The following EIPR1 variants were observed in gnomAD, a reference collection of about 807,000 sequenced individuals.
The protein encoded by EIPR1 is EARP and GARP complex-interacting protein 1.
Under a neutral mutation model 48.1 loss-of-function variants are expected in EIPR1, and 25 were observed. The observed-to-expected ratio is 0.52, with a 90% CI of 0.38 to 0.73. The LOEUF (loss-of-function observed/expected upper bound fraction) is 0.73. Among genes scored for constraint, EIPR1 ranks in the 30% least tolerant of loss-of-function variants. EIPR1 has a pLI of 0.00. For missense variants in EIPR1, 415 were observed against 506.2 expected, an observed-to-expected ratio of 0.82 and a Z score of 1.73; for synonymous variants, 204 against 201.9, an observed-to-expected ratio of 1.01 and a Z score of -0.09.
rs1308249468 is a variant in EIPR1 at position 3,189,317 on chromosome 2, T to C, written c.*17A>G. 1.3e-6 allele frequency: 2 copies of C among 1,558,740 alleles called. No individual in the cohort carries two copies. Among genetic ancestry groups the C allele is most frequent in the Non-Finnish European group, 1.7e-6 (2 of 1,142,916 alleles). ...GGAAAACCACTCAATGGGACCTGGA[T>C]AACCCAGGCCCGGGAGTCATAGCAG... is the stretch of plus-strand genomic sequence containing the variant. On this transcript the variant is annotated 3_prime_UTR_variant, in exon 9 of 9. Coordinates refer to ENST00000382125, the MANE Select transcript of EIPR1 (RefSeq NM_003310.5). This position sits in a 1 kb window ranked among gnomAD's most constrained non-coding sequence, Gnocchi z 4.6.
intron 3 of EIPR1, among the ~76,000 whole-genome samples, chr2:3,323,105 T>C (rs1669586006): frequency 8.4e-6 from 1 of 119,320 alleles, no homozygotes; most frequent in South Asian, 3.0e-4. Context: ...TCTCTGATTT[T>C]TTCTTTAAAA....
At chr2:3,274,248 C>T (rs546552076) in intron 3 of EIPR1, 4 of 1,506,528 alleles carry the variant, frequency 2.7e-6, no homozygotes, top group East Asian at 5.0e-5. Flanking sequence ...AGGAGCACAA[C>T]TATCTCCAAG....
chr2:3,310,879 T>G (rs1166937473), intron 3 of EIPR1, among the ~76,000 whole-genome samples: 1 of 152,118 alleles, frequency 6.6e-6, no homozygotes, highest in African/African-American at 2.4e-5. Flanking sequence ...AATCAATTTT[T>G]TTTTCAAATA....
intron 2 of EIPR1, among the ~76,000 whole-genome samples, chr2:3,347,131 C>T (rs755280376): frequency 1.5e-4 from 23 of 152,196 alleles, no homozygotes; most frequent in African/African-American, 4.3e-4. Context: ...TTCCTGAGGC[C>T]GTCGCAGAAG....
chr2:3,323,795 C>G (rs964174399), intron 3 of EIPR1, among the ~76,000 whole-genome samples: 1 of 151,782 alleles, frequency 6.6e-6, no homozygotes, highest in Non-Finnish European at 1.5e-5. Context: ...GGATTTCCAA[C>G]AGTGTCTGCT....
intron 2 of EIPR1, among the ~76,000 whole-genome samples, chr2:3,339,598 C>A (rs1375370873): frequency 6.6e-6 from 1 of 152,176 alleles, no homozygotes; most frequent in Non-Finnish European, 1.5e-5. Context: ...TTAGCACCAT[C>A]CCCACCTGGT....
intron 3 of EIPR1, among the ~76,000 whole-genome samples, chr2:3,330,437 A>AT (rs1455549989): frequency 2.0e-5 from 3 of 152,318 alleles, no homozygotes; most frequent in African/African-American, 7.2e-5. Flanking sequence ...CCCTCTGTTG[A>AT]TTGAGAGGCC....
rs192064327 is a variant in EIPR1, at chr2:3,370,054, G to A, written c.42+7594C>T. ...TCTGAGACAAAACTTCCAGAGGAAC[G>A]ATCATACAGCAACATTCGCGGATCA... On this transcript the variant is annotated intron_variant, in intron 1 of 8. Transcript: ENST00000382125. 1.2e-3 allele frequency among the ~76,000 whole-genome samples: 185 copies of A among 152,256 alleles called. 4 individuals are homozygous for A. The East Asian group carries it at 0.028, about 23-fold the overall frequency.
chr2:3,194,976 C>T lies in EIPR1; in HGVS notation c.654-810G>A, dbSNP rs189034334. ...CAGTGCGTGCGTTCTCACACTCACG[C>T]GTGCATCTGTGTGCACGCCCACACA... On this transcript the variant is annotated intron_variant, in intron 6 of 8. Transcript: ENST00000382125. Among the ~76,000 whole-genome samples, 58 of 152,354 alleles carry T rather than the reference C, an allele frequency of 3.8e-4. No homozygotes were observed. The South Asian group carries it at 5.2e-3, about 14-fold the overall frequency.
intron 3 of EIPR1, among the ~76,000 whole-genome samples, chr2:3,307,205 G>A (rs767184300): frequency 2.4e-4 from 36 of 152,118 alleles, no homozygotes; most frequent in South Asian, 1.0e-3. Flanking sequence ...CAAATGATCC[G>A]CCTACCTCAG....
intron 3 of EIPR1, chr2:3,282,571 C>CTACA (rs1668045597): frequency 6.6e-6 from 1 of 152,252 alleles, no homozygotes; most frequent in Non-Finnish European, 1.5e-5. Flanking sequence ...TACAGACGGC[C>CTACA]GCACGGGCTG....
At chr2:3,284,799 T>C (rs1486145619) in intron 3 of EIPR1, among the ~76,000 whole-genome samples, 1 of 151,774 alleles carries the variant, frequency 6.6e-6, no homozygotes, top group Non-Finnish European at 1.5e-5. Context: ...GAGCACACAG[T>C]TGGGAAAGGG....
chr2:3,348,542 G>A (rs534962813), intron 2 of EIPR1, among the ~76,000 whole-genome samples: 12 of 152,272 alleles, frequency 7.9e-5, no homozygotes, highest in African/African-American at 2.6e-4. Context: ...AGCGAGCAAG[G>A]ACCCCAGAAA....
At chr2:3,250,938 CCT>C (rs905071916) in intron 4 of EIPR1, among the ~76,000 whole-genome samples, 2 of 151,978 alleles carry the variant, frequency 1.3e-5, no homozygotes, top group African/African-American at 4.8e-5. Flanking sequence ...GCCAAATAAA[CCT>C]CTTTTTTTTT....
intron 3 of EIPR1, among the ~76,000 whole-genome samples, chr2:3,290,075 A>G (rs1006650151): frequency 6.6e-6 from 1 of 152,010 alleles, no homozygotes; most frequent in Non-Finnish European, 1.5e-5. Flanking sequence ...CAAATTACAC[A>G]TTTTCTTTTG....
chr2:3,281,213 C>G (rs1349624710), intron 3 of EIPR1, among the ~76,000 whole-genome samples: 1 of 151,956 alleles, frequency 6.6e-6, no homozygotes, highest in East Asian at 1.9e-4. Context: ...TCAGGGAAGT[C>G]AGATTTCTCT....
In EIPR1 at chr2:3,240,566, TA is replaced by T. The variant is rs201655798; in HGVS notation, c.416+16732del. Among the ~76,000 whole-genome samples, 638 of 143,580 alleles carry T rather than the reference TA, an allele frequency of 4.4e-3. 10 individuals are homozygous for T. The highest frequency in any genetic ancestry group is 0.016 in the African/African-American group (618 of 37,986). The allele number at this position is 143,580 out of a possible 152,430, so 94.2% of individuals were successfully genotyped here. ...TAAAGCAAAGCCAGTAGATCCCTCC[TA>T]AAGCAAAGCCAGCAGACCCTTCCTA... On this transcript the variant is annotated intron_variant, in intron 4 of 8. Transcript: ENST00000382125.
chr2:3,287,675 G>A lies in EIPR1; in HGVS notation c.260-30220C>T, dbSNP rs553648735. Among the ~76,000 whole-genome samples, 92 of 125,554 alleles carry A rather than the reference G, an allele frequency of 7.3e-4. No individual in the cohort carries two copies. The Middle Eastern group carries it at 0.022, about 30-fold the overall frequency. 82.4% of individuals were successfully genotyped at this position (125,554 alleles called of 152,430 possible). A position where few individuals can be genotyped will look rare whatever the true frequency, so the allele number is the denominator to read the frequency against. ...GCTCGTTCACCACAATCCGGAAAGC[G>A]CGTTCACCACGCTCCAGAAAGCTCA... On this transcript the variant is annotated intron_variant, in intron 3 of 8. Transcript: ENST00000382125.
rs1671107684 is a variant in EIPR1, at chr2:3,371,248, T to C, written c.42+6400A>G. On this transcript the variant is annotated intron_variant, in intron 1 of 8. Transcript: ENST00000382125. ...GAGCTCCTGAAGGAAGCACTAAACA[T>C]GGAAAGGCATAACCGTACCAGCCGC... is the stretch of plus-strand genomic sequence containing the variant. Among the ~76,000 whole-genome samples the C allele has an allele frequency of 1.3e-5, 2 of 152,110 alleles. 1 individual carries two copies. Among genetic ancestry groups the C allele is most frequent in the Admixed American group, 1.3e-4 (2 of 15,280 alleles).
Sources: allele counts gnomAD v4.1 joint callset (sites outside exome capture counted in the v4.1 genomes callset), GRCh38; gene constraint gnomAD v4.1.1; non-coding constraint Gnocchi (gnomAD v3.1); transcripts MANE v1.5; gene names NCBI Gene and HGNC (gene_info 2026-07-23, HGNC 2026-07-21).